Variants in VPS13C observed in about 807,000 individuals in gnomAD.
The protein encoded by VPS13C is intermembrane lipid transfer protein VPS13C.
VPS13C carries 358 observed loss-of-function variants against 456.8 expected under a neutral mutation model. The ratio of observed to expected loss-of-function variants is 0.78; its 90% CI spans 0.72 to 0.86. The LOEUF (loss-of-function observed/expected upper bound fraction) is 0.86. VPS13C is among the 40% of genes least tolerant of loss of function. VPS13C has a pLI of 0.00. For synonymous variants in VPS13C, 1,578 were observed against 1,486.7 expected (o/e 1.06, Z -1.41); for missense variants, 4,818 against 4,385.4 (o/e 1.10, Z -2.79).
At chr15:62,046,067 C>T (rs534196126) in intron 1 of VPS13C, among the ~76,000 whole-genome samples, 1 of 152,120 alleles carries the variant, frequency 6.6e-6, no homozygotes, top group African/African-American at 2.4e-5. Context: ...TGTGTACATA[C>T]AGTTCTCAAA....
At chr15:62,041,405 T>C (rs2048236988) in intron 2 of VPS13C, 39 bp from the exon 3 acceptor site, 3 of 1,571,912 alleles carry the variant, frequency 1.9e-6, no homozygotes, top group Non-Finnish European at 2.6e-6. Flanking sequence ...CATCTTAAAT[T>C]ATGAAGCCAA....
At chr15:61,888,666 A>G (rs1465282120) in intron 67 of VPS13C, among the ~76,000 whole-genome samples, 1 of 152,174 alleles carries the variant, frequency 6.6e-6, no homozygotes, top group African/African-American at 2.4e-5. Flanking sequence ...TTTGGAGACA[A>G]TAAAAAGAAC....
In VPS13C at chr15:62,012,066, T is replaced by C. The variant is rs192128510; in HGVS notation, c.883+41A>G. On this transcript the variant is annotated intron_variant, in intron 12 of 84. Transcript: ENST00000644861. ...TTAAAATAATGTATTTAATTCTATG[T>C]TTCTTCCTATAACATGAAATAAACT... The C allele has an allele frequency of 3.3e-6, 4 of 1,210,932 alleles. No homozygotes were observed. In the East Asian group the frequency reaches 9.6e-5, roughly 29 times the overall value. The allele number at this position is 1,210,932 out of a possible 1,614,324, so 75.0% of individuals were successfully genotyped here.
At chr15:61,938,038 C>A (rs1468054669) in intron 47 of VPS13C, among the ~76,000 whole-genome samples, 1 of 152,198 alleles carries the variant, frequency 6.6e-6, no homozygotes, top group African/African-American at 2.4e-5. Context: ...TAGGTCCCTA[C>A]CACCAGAGAA....
intron 25 of VPS13C, 89 bp from the exon 26 acceptor site, chr15:61,973,621 G>C: frequency 4.3e-6 from 4 of 926,812 alleles, no homozygotes; most frequent in Non-Finnish European, 7.0e-6. Flanking sequence ...AAGTAATAGA[G>C]GATAAAGAGA....
chr15:61,928,880 T>C (rs1259389486), intron 51 of VPS13C, among the ~76,000 whole-genome samples: 3 of 141,806 alleles, frequency 2.1e-5, no homozygotes, highest in Non-Finnish European at 3.0e-5. Context: ...TGACAGCCCA[T>C]CTCGAAAAAA....
rs1895944917 is a variant in VPS13C at position 61,882,630 on chromosome 15, T to C, written c.9590A>G (p.Gln3197Arg). 1 of 1,594,620 alleles carries C rather than the reference T, an allele frequency of 6.3e-7. No homozygotes were observed. Among genetic ancestry groups the C allele is most frequent in the Admixed American group, 1.7e-5 (1 of 57,456 alleles). ...IQIEFKQSSH[Q>R]RSLRARLYWL... The stretch of plus-strand genomic sequence containing the variant: ...GTACAACCTGGCCCTTAAACTTCTC[T>C]GGTGAGAAGACTGCTTAAATTCAAT... Residue 3197 changes from glutamine (Q) to arginine (R), a missense_variant, in exon 69 of 85, where the codon CAG (glutamine) becomes CGG (arginine). Gln to Arg is a conservative substitution (Grantham distance 43). Around this residue, in one of 3 missense-constraint regions of VPS13C, gnomAD observed 4,552 missense variants for 4,130.6 expected, o/e 1.10. Coordinates refer to ENST00000644861, the MANE Select transcript of VPS13C (RefSeq NM_020821.3).
At chr15:62,045,086 A>C (rs1326307650) in intron 1 of VPS13C, among the ~76,000 whole-genome samples, 2 of 152,130 alleles carry the variant, frequency 1.3e-5, no homozygotes, top group African/African-American at 2.4e-5. Flanking sequence ...AGTGAATTTA[A>C]AAGTATATTT....
intron 1 of VPS13C, among the ~76,000 whole-genome samples, chr15:62,047,463 T>A (rs554978259): frequency 3.3e-4 from 50 of 152,036 alleles, no homozygotes; most frequent in South Asian, 8.3e-4. Context: ...AAGCAGTATC[T>A]ATTTCTGCCA....
Position 62,023,415 on chromosome 15 carries a change from T to C in VPS13C, c.620A>G (p.Asp207Gly), listed in dbSNP as rs745847106. ...KITDIHIKYE[D>G]DVTDPKRPLS... ...GAGTAAATAAAAATTACTTACATCA[T>C]CTTCATATTTAATGTGAATATCTGT... Residue 207 changes from aspartate to glycine, a missense_variant, in exon 8 of 85, where the codon GAT (aspartate) becomes GGT (glycine). Asp to Gly is a moderately conservative substitution (Grantham distance 94). Around this residue, in one of 3 missense-constraint regions of VPS13C, gnomAD observed 4,552 missense variants for 4,130.6 expected, o/e 1.10. Transcript: ENST00000644861. 2 of 1,483,356 alleles carry C rather than the reference T, an allele frequency of 1.3e-6. No homozygotes were observed. The highest frequency in any genetic ancestry group is 2.4e-5 in the East Asian group (1 of 42,274). 91.9% of individuals were successfully genotyped at this position (1,483,356 alleles called of 1,614,324 possible).
chr15:61,873,507 C>T (rs574673390), intron 77 of VPS13C, 98 bp from the exon 78 acceptor site: 43 of 1,184,820 alleles, frequency 3.6e-5, no homozygotes, highest in Admixed American at 9.1e-5. Flanking sequence ...AATAGGCAAA[C>T]GATCTGAATA....
At chr15:62,059,910 C>A (rs2140833274) in intron 1 of VPS13C, among the ~76,000 whole-genome samples, 1 of 152,322 alleles carries the variant, frequency 6.6e-6, no homozygotes, top group Non-Finnish European at 1.5e-5. Context: ...TCACTCCACG[C>A]GATACCGAAA....
chr15:61,865,306 TTAG>T (rs1406549464), intron 81 of VPS13C: 44 of 979,842 alleles, frequency 4.5e-5, no homozygotes, highest in Non-Finnish European at 5.3e-5. Context: ...ATTATTACTG[TTAG>T]TAGAATAATT....
chr15:62,013,268 GA>G (rs2047111693), intron 10 of VPS13C, 149 bp from the exon 11 acceptor site: 5 of 516,252 alleles, frequency 9.7e-6, no homozygotes, highest in Non-Finnish European at 1.3e-5. Context: ...AAAATGAGGG[GA>G]AAATATATTC....
intron 18 of VPS13C, among the ~76,000 whole-genome samples, chr15:61,989,304 G>C (rs1229148815): frequency 2.0e-5 from 3 of 151,968 alleles, no homozygotes; most frequent in Non-Finnish European, 4.4e-5. Flanking sequence ...GGTGGCTTGA[G>C]GCAGGAGACT....
rs1401403096 is a variant in VPS13C, at chr15:61,890,252, T to A, written c.9254A>T (p.Tyr3085Phe). 1.2e-6 allele frequency: 2 copies of A among 1,614,132 alleles called. No homozygotes were observed. The highest frequency in any genetic ancestry group is 1.7e-6 in the Non-Finnish European group (2 of 1,180,034). ...LQAEEMEQADYEITLSLHSLG... is the reference protein window; with the variant it reads ...LQAEEMEQADFEITLSLHSLG... The stretch of plus-strand genomic sequence containing the variant: ...ACTGTGGAGAGACAAGGTTATTTCA[T>A]AATCAGCCTGTTCCATTTCTTCTGC... The change falls in exon 67 of 85, where the codon TAT (tyrosine) becomes TTT (phenylalanine). Residue 3085 changes from tyrosine to phenylalanine, a missense_variant. Tyr to Phe is a conservative substitution (Grantham distance 22). Coordinates refer to ENST00000644861, the MANE Select transcript of VPS13C (RefSeq NM_020821.3).
chr15:61,961,136 C>G (rs184455116), intron 35 of VPS13C, among the ~76,000 whole-genome samples: 2 of 151,570 alleles, frequency 1.3e-5, no homozygotes, highest in Admixed American at 1.3e-4. Flanking sequence ...CACCTGTAAT[C>G]CCAGCACTTT....
Position 61,867,842 on chromosome 15 carries a change from A to G in VPS13C, c.10863+817T>C. ...TAAAGAAAATTTCATTAAAATTGAC[A>G]ATGGAATTCACACACAGTCAATTAA... On this transcript the variant is annotated intron_variant, in intron 81 of 84. Transcript: ENST00000644861. The surrounding 1 kb of genome is among the most constrained non-coding windows in gnomAD (Gnocchi z 5.0). 6.4e-7 allele frequency: 1 copy of G among 1,557,294 alleles called. No homozygotes were observed. The highest frequency in any genetic ancestry group is 8.7e-7 in the Non-Finnish European group (1 of 1,153,650).
At chr15:61,988,525 A>G (rs1417431954) in intron 18 of VPS13C, among the ~76,000 whole-genome samples, 3 of 152,234 alleles carry the variant, frequency 2.0e-5, no homozygotes, top group Non-Finnish European at 2.9e-5. Context: ...AATTCTCCCC[A>G]AATTAATTTA....
Sources: allele counts gnomAD v4.1 joint callset (sites outside exome capture counted in the v4.1 genomes callset), GRCh38; gene constraint gnomAD v4.1.1; regional missense constraint gnomAD v4.1.1; non-coding constraint Gnocchi (gnomAD v3.1); transcripts MANE v1.5; gene names NCBI Gene and HGNC (gene_info 2026-07-23, HGNC 2026-07-21).